Variants in STARD13 observed in about 807,000 individuals in gnomAD.
STARD13 encodes the protein StAR related lipid transfer domain containing 13, also known as stAR-related lipid transfer protein 13.
Under a neutral mutation model 106.4 loss-of-function variants are expected in STARD13, and 62 were observed. The observed-to-expected ratio is 0.58, with a 90% confidence interval of 0.48 to 0.72. The LOEUF (loss-of-function observed/expected upper bound fraction) is 0.72. STARD13 is among the 30% of genes least tolerant of loss of function. The pLI is 0.00. For missense variants in STARD13, 1,387 were observed against 1,424.0 expected, an observed-to-expected ratio of 0.97 and a Z score of 0.42; for synonymous variants, 565 against 553.0, an observed-to-expected ratio of 1.02 and a Z score of -0.31.
intron 1 of STARD13, among the ~76,000 whole-genome samples, chr13:33,234,822 T>C (rs2138223936): frequency 6.6e-6 from 1 of 152,316 alleles, no homozygotes; most frequent in East Asian, 1.9e-4. Context: ...TGTAAACTAT[T>C]CATAACAATG....
the STARD13 span, chr13:33,524,383 A>T: frequency 3.5e-5 from 25 of 715,336 alleles, no homozygotes; most frequent in Admixed American, 9.6e-5. Context: ...CTGTAAAAAA[A>T]TTTTTTAAAG....
chr13:33,544,404 A>G, the STARD13 span, among the ~76,000 whole-genome samples: 355 of 152,370 alleles, frequency 2.3e-3, 6 homozygotes, highest in African/African-American at 8.3e-3. Context: ...TGACACAGTA[A>G]TTAAATCACG....
chr13:33,138,268 A>C (rs1431860115), intron 4 of STARD13, among the ~76,000 whole-genome samples: 1 of 152,166 alleles, frequency 6.6e-6, no homozygotes, highest in African/African-American at 2.4e-5. Context: ...AATCACATAA[A>C]CACTTTAATC....
chr13:33,163,641 C>CATAT (rs773984520), intron 3 of STARD13, among the ~76,000 whole-genome samples: 1 of 52,156 alleles, frequency 1.9e-5, no homozygotes, highest in African/African-American at 4.6e-5. Context: ...ATATATATAA[C>CATAT]ATATATATAT....
chr13:33,619,964 G>A, the STARD13 span, among the ~76,000 whole-genome samples: 1 of 151,994 alleles, frequency 6.6e-6, no homozygotes, highest in Non-Finnish European at 1.5e-5. Flanking sequence ...GGATGAAGTG[G>A]GAAAATCTCT....
At chr13:33,359,273 C>G in the STARD13 span, among the ~76,000 whole-genome samples, 1 of 152,080 alleles carries the variant, frequency 6.6e-6, no homozygotes, top group African/African-American at 2.4e-5. Flanking sequence ...AGCGAGACCA[C>G]GAGCCCACCG....
the STARD13 span, among the ~76,000 whole-genome samples, chr13:33,387,973 A>G: frequency 6.6e-6 from 1 of 152,184 alleles, no homozygotes; most frequent in Non-Finnish European, 1.5e-5. Flanking sequence ...TGCATCGGCC[A>G]TATGGTGGTC....
intron 4 of STARD13, 120 bp downstream of exon 4, chr13:33,142,190 G>A: frequency 1.3e-6 from 1 of 785,708 alleles, no homozygotes; most frequent in East Asian, 2.7e-5. Context: ...ACTGTGCCCA[G>A]CTAATTTATT....
At chr13:33,441,212 C>G in the STARD13 span, among the ~76,000 whole-genome samples, 1 of 152,170 alleles carries the variant, frequency 6.6e-6, no homozygotes, top group African/African-American at 2.4e-5. Context: ...TCTTTTCATC[C>G]CTGCTGCCAC....
the STARD13 span, among the ~76,000 whole-genome samples, chr13:33,499,519 TTTCTTCTTCTTC>T: frequency 1.4e-3 from 126 of 91,878 alleles, no homozygotes; most frequent in Admixed American, 3.1e-3. Context: ...TTCTTCTTTC[TTTCTTCTTCTTC>T]TTCTTCTTCT....
the STARD13 span, among the ~76,000 whole-genome samples, chr13:33,379,723 ACAGTT>A: frequency 2.6e-5 from 4 of 152,268 alleles, no homozygotes; most frequent in African/African-American, 9.6e-5. Flanking sequence ...AGAGAACAAA[ACAGTT>A]CAGTAACTTC....
intron 12 of STARD13, among the ~76,000 whole-genome samples, chr13:33,107,731 G>A (rs1198389567): frequency 2.0e-5 from 3 of 152,004 alleles, no homozygotes; most frequent in African/African-American, 7.2e-5. Context: ...TGAGCTCCCT[G>A]TTCCTAGAGC....
the STARD13 span, among the ~76,000 whole-genome samples, chr13:33,450,766 C>T: frequency 6.6e-6 from 1 of 152,076 alleles, no homozygotes; most frequent in South Asian, 2.1e-4. Context: ...AGAATATGCT[C>T]ATTGGGAAAA....
chr13:33,535,129 C>T, the STARD13 span, among the ~76,000 whole-genome samples: 5 of 151,998 alleles, frequency 3.3e-5, no homozygotes, highest in African/African-American at 9.7e-5. Context: ...GCTGGAAAAT[C>T]GCTTGAACCC....
At chr13:33,448,074 A>T in the STARD13 span, among the ~76,000 whole-genome samples, 2 of 152,176 alleles carry the variant, frequency 1.3e-5, no homozygotes, top group South Asian at 4.1e-4. Flanking sequence ...TTATTGATAC[A>T]TAATAATTGT....
chr13:33,176,278 C>T lies in STARD13; in HGVS notation c.170-8656G>A, dbSNP rs140858650. On this transcript the variant is annotated intron_variant, in intron 1 of 13. Transcript: ENST00000336934. ...TTGTATGTATTTTCTTAAAAAATTC[C>T]TTGGCACTGGCTCAGAGTGTAAATA... Among the ~76,000 whole-genome samples, 974 of 152,172 alleles carry T rather than the reference C, an allele frequency of 6.4e-3. 11 individuals are homozygous for T. The highest frequency in any genetic ancestry group is 0.022 in the African/African-American group (917 of 41,522).
At chr13:33,221,882 G>A (rs1594126529) in intron 1 of STARD13, among the ~76,000 whole-genome samples, 2 of 152,292 alleles carry the variant, frequency 1.3e-5, no homozygotes, top group Non-Finnish European at 2.9e-5. Flanking sequence ...TGGGTGCGGT[G>A]GCTCCCACCT....
chr13:33,223,327 G>T (rs998972882), intron 1 of STARD13, among the ~76,000 whole-genome samples: 1 of 152,184 alleles, frequency 6.6e-6, no homozygotes, highest in Non-Finnish European at 1.5e-5. Flanking sequence ...AAGCTCATAT[G>T]TAAGACACTT....
chr13:33,364,598 A>G, the STARD13 span, among the ~76,000 whole-genome samples: 3 of 152,184 alleles, frequency 2.0e-5, no homozygotes. Context: ...AACGATTAAG[A>G]AAAAGAGGAG....
Sources: allele counts gnomAD v4.1 joint callset (sites outside exome capture counted in the v4.1 genomes callset), GRCh38; gene constraint gnomAD v4.1.1; transcripts MANE v1.5; gene names NCBI Gene and HGNC (gene_info 2026-07-23, HGNC 2026-07-21).